The following MTMR6 variants were observed in gnomAD, a reference collection of about 807,000 sequenced individuals.
The protein encoded by MTMR6 is phosphatidylinositol-3,5-bisphosphate 3-phosphatase MTMR6.
Under a neutral mutation model 80.1 loss-of-function variants are expected in MTMR6, and 47 were observed. That is an observed-to-expected ratio of 0.59 (90% CI 0.46 to 0.75). The LOEUF (loss-of-function observed/expected upper bound fraction) is 0.75, where lower values mean the gene tolerates loss of function less well. MTMR6 is among the 30% of genes least tolerant of loss of function. The pLI is 0.00. For missense variants in MTMR6, 629 were observed against 730.9 expected, an observed-to-expected ratio of 0.86 and a Z score of 1.61; for synonymous variants, 254 against 253.0, an observed-to-expected ratio of 1.00 and a Z score of -0.04.
chr13:25,261,491 T>C (rs1957340597), intron 6 of MTMR6, among the ~76,000 whole-genome samples, 177 bp downstream of exon 6: 1 of 152,048 alleles, frequency 6.6e-6, no homozygotes, highest in East Asian at 1.9e-4. Flanking sequence ...ACTCAGAAAT[T>C]GGTTTTCTAA....
intron 3 of MTMR6, among the ~76,000 whole-genome samples, 186 bp from the exon 4 acceptor site, chr13:25,266,472 T>A (rs1957455853): frequency 6.6e-6 from 1 of 152,216 alleles, no homozygotes; most frequent in South Asian, 2.1e-4. Context: ...CATATCAATC[T>A]GAGATTGGAT....
intron 1 of MTMR6, among the ~76,000 whole-genome samples, chr13:25,275,374 A>G (rs952852911): frequency 3.9e-5 from 6 of 152,084 alleles, no homozygotes; most frequent in Middle Eastern, 3.4e-3. Context: ...GTGAGCCAAG[A>G]TTGTGCCACT....
chr13:25,261,303 T>TAAAAAAAA lies in MTMR6; in HGVS notation c.726+357_726+364dup, dbSNP rs56833434. The stretch of plus-strand genomic sequence containing the variant: ...AGGGTGACAGAGTGCAACTCTGTCT[T>TAAAAAAAA]AAAAAAAAAAAAAAAAAAAAAAAAA... On this transcript the variant is annotated intron_variant, in intron 6 of 13. Transcript: ENST00000381801. 8.1e-4 allele frequency among the ~76,000 whole-genome samples: 33 copies of TAAAAAAAA among 40,872 alleles called. 1 individual carries two copies. Among genetic ancestry groups the TAAAAAAAA allele is most frequent in the Non-Finnish European group, 1.1e-3 (26 of 22,942 alleles). The allele number at this position is 40,872 out of a possible 152,430, so 26.8% of individuals were successfully genotyped here. A position where few individuals can be genotyped will look rare whatever the true frequency, so the allele number is the denominator to read the frequency against.
chr13:25,263,657 C>G (rs1239312288), intron 5 of MTMR6, among the ~76,000 whole-genome samples: 1 of 152,178 alleles, frequency 6.6e-6, no homozygotes, highest in African/African-American at 2.4e-5. Flanking sequence ...GAGGCCGAGG[C>G]CGGTGGATCA....
chr13:25,268,929 G>A (rs1015286089), intron 2 of MTMR6, among the ~76,000 whole-genome samples: 17 of 152,124 alleles, frequency 1.1e-4, no homozygotes, highest in African/African-American at 4.1e-4. Context: ...CCCACTCCCT[G>A]GCCTCTCCCA....
chr13:25,282,409 T>C (rs188864474), intron 1 of MTMR6, among the ~76,000 whole-genome samples: 27 of 152,172 alleles, frequency 1.8e-4, no homozygotes, highest in African/African-American at 6.5e-4. Flanking sequence ...TCCAACTAGA[T>C]AAGTTATAAG....
chr13:25,279,848 A>C (rs970991833), intron 1 of MTMR6, among the ~76,000 whole-genome samples: 8 of 152,196 alleles, frequency 5.3e-5, no homozygotes, highest in Admixed American at 2.0e-4. Flanking sequence ...TGAAAAAAAA[A>C]CCATATGTTA....
chr13:25,262,768 A>C (rs2137555449), intron 5 of MTMR6, among the ~76,000 whole-genome samples: 1 of 152,378 alleles, frequency 6.6e-6, no homozygotes, highest in South Asian at 2.1e-4. Flanking sequence ...ACAATTGCAT[A>C]TTTTAAACTC....
chr13:25,275,237 G>A (rs1957693104), intron 1 of MTMR6, among the ~76,000 whole-genome samples: 1 of 151,080 alleles, frequency 6.6e-6, no homozygotes, highest in Non-Finnish European at 1.5e-5. Flanking sequence ...GACCAGCCTG[G>A]CCAACATGAT....
At chr13:25,260,716 C>T in intron 6 of MTMR6, 1 of 1,098,278 alleles carries the variant, frequency 9.1e-7, no homozygotes, top group South Asian at 1.4e-5. Flanking sequence ...GTAACGTTAG[C>T]TATTACCACT....
At chr13:25,264,753 CAAAA>C (rs769719876) in intron 5 of MTMR6, among the ~76,000 whole-genome samples, 9 of 33,490 alleles carry the variant, frequency 2.7e-4, no homozygotes, top group African/African-American at 7.2e-4. Context: ...AACTCCATCT[CAAAA>C]AAAAAAAAAA....
chr13:25,264,365 T>A (rs1184233084), intron 5 of MTMR6, among the ~76,000 whole-genome samples: 1 of 151,622 alleles, frequency 6.6e-6, no homozygotes, highest in Non-Finnish European at 1.5e-5. Context: ...CAAAGAAAAT[T>A]AATAGAACAG....
chr13:25,263,316 G>A (rs1006746690), intron 5 of MTMR6, among the ~76,000 whole-genome samples: 2 of 152,228 alleles, frequency 1.3e-5, no homozygotes, highest in Admixed American at 6.5e-5. Flanking sequence ...ATGCCTGTAC[G>A]AGAACTAGCT....
At chr13:25,284,698 G>T (rs541857196) in intron 1 of MTMR6, among the ~76,000 whole-genome samples, 4 of 152,246 alleles carry the variant, frequency 2.6e-5, no homozygotes, top group Admixed American at 2.0e-4. Context: ...ACTAAATCCA[G>T]GTGAAGGCTA....
chr13:25,250,740 CTG>C (rs1957066183), intron 13 of MTMR6, among the ~76,000 whole-genome samples: 1 of 152,126 alleles, frequency 6.6e-6, no homozygotes, highest in African/African-American at 2.4e-5. Flanking sequence ...TGTCAAAACA[CTG>C]TTGAGCAAAA....
At chr13:25,268,130 A>C (rs968775325) in intron 2 of MTMR6, among the ~76,000 whole-genome samples, 189 bp from the exon 3 acceptor site, 8 of 152,132 alleles carry the variant, frequency 5.3e-5, no homozygotes, top group African/African-American at 1.9e-4. Context: ...TCCCTCCTCC[A>C]TCAGTCCACA....
intron 2 of MTMR6, among the ~76,000 whole-genome samples, chr13:25,271,044 T>C (rs1446420248): frequency 1.3e-5 from 2 of 152,278 alleles, no homozygotes; most frequent in Non-Finnish European, 2.9e-5. Context: ...CCATTTTATG[T>C]GGGTGCTAAG....
At chr13:25,256,557 T>C (rs1957213335) in intron 9 of MTMR6, among the ~76,000 whole-genome samples, 1 of 152,212 alleles carries the variant, frequency 6.6e-6, no homozygotes, top group African/African-American at 2.4e-5. Flanking sequence ...ATGTAAATTT[T>C]GAAAACATAA....
chr13:25,276,225 G>A (rs1957724719), intron 1 of MTMR6, among the ~76,000 whole-genome samples: 2 of 152,192 alleles, frequency 1.3e-5, no homozygotes, highest in Non-Finnish European at 2.9e-5. Context: ...CATTTCCTAA[G>A]CTATTAAAAC....
Sources: allele counts gnomAD v4.1 joint callset (sites outside exome capture counted in the v4.1 genomes callset), GRCh38; gene constraint gnomAD v4.1.1; transcripts MANE v1.5; gene names NCBI Gene and HGNC (gene_info 2026-07-23, HGNC 2026-07-21).